Variants in HEPH observed in about 807,000 individuals in gnomAD.
HEPH encodes the protein hephaestin.
Under a neutral mutation model 80.8 loss-of-function variants are expected in HEPH, and 69 were observed. The observed-to-expected ratio is 0.85, with a 90% CI of 0.70 to 1.04. The LOEUF (loss-of-function observed/expected upper bound fraction) is 1.04. HEPH is among the 50% of genes least tolerant of loss of function. The pLI is 0.00. For missense variants in HEPH, 1,115 were observed against 891.3 expected (o/e 1.25, Z -3.20); for synonymous variants, 431 against 322.8 (o/e 1.34, Z -3.60).
chrX:66,247,041 A>G (rs1388320742), intron 15 of HEPH, among the ~76,000 whole-genome samples: 2 of 111,606 alleles, frequency 1.8e-5, no homozygotes, highest in Non-Finnish European at 3.8e-5. Flanking sequence ...GAAATTGGCT[A>G]TTAATCTTAT....
intron 9 of HEPH, among the ~76,000 whole-genome samples, chrX:66,197,405 TA>T (rs966301626): frequency 9.0e-6 from 1 of 111,156 alleles, no homozygotes; most frequent in Non-Finnish European, 1.9e-5. Flanking sequence ...AAATAAGTCT[TA>T]AAGTCCATTT....
chrX:66,225,238 GA>G (rs766307144), intron 15 of HEPH, among the ~76,000 whole-genome samples: 108 of 111,496 alleles, frequency 9.7e-4, no homozygotes, highest in African/African-American at 3.3e-3. Flanking sequence ...ATCCTTTCTT[GA>G]AATTTTTCAA....
chrX:66,230,996 G>A (rs1400768063), intron 15 of HEPH, among the ~76,000 whole-genome samples: 2 of 107,521 alleles, frequency 1.9e-5, no homozygotes, highest in East Asian at 2.9e-4. Context: ...TCTACATATG[G>A]CTAGCCAGTT....
intron 15 of HEPH, among the ~76,000 whole-genome samples, chrX:66,234,125 T>A (rs1351948024): frequency 9.0e-6 from 1 of 110,759 alleles, no homozygotes; most frequent in Non-Finnish European, 1.9e-5. Flanking sequence ...TGTGTTCTTA[T>A]CATTTAGCTC....
At chrX:66,243,901 T>A (rs1282804540) in intron 15 of HEPH, among the ~76,000 whole-genome samples, 1 of 112,099 alleles carries the variant, frequency 8.9e-6, no homozygotes, top group Non-Finnish European at 1.9e-5. Context: ...CTGAAAAGGA[T>A]CTTAGGATCT....
intron 15 of HEPH, among the ~76,000 whole-genome samples, chrX:66,248,780 G>T (rs1202380584): frequency 1.8e-5 from 2 of 112,132 alleles, no homozygotes; most frequent in Non-Finnish European, 3.8e-5. Flanking sequence ...GATATAAACA[G>T]AAATGTGTTT....
chrX:66,200,953 A>G lies in HEPH; in HGVS notation c.2077+201A>G, dbSNP rs199587424. ...GATTCCCTACTCAGCTGCAGGCAGA[A>G]TAGTTAGTAGAAGGTGGAGGAAGCT... On this transcript the variant is annotated intron_variant, in intron 12 of 20. Coordinates refer to ENST00000343002, the MANE Select transcript of HEPH (RefSeq NM_001367233.3). Among the ~76,000 whole-genome samples the G allele has an allele frequency of 2.7e-5, 3 of 111,737 alleles. No individual in the cohort carries two copies. The East Asian group carries it at 8.4e-4, about 31-fold the overall frequency.
chrX:66,191,752 A>G (rs1420811314), intron 6 of HEPH, among the ~76,000 whole-genome samples: 1 of 111,770 alleles, frequency 8.9e-6, no homozygotes, highest in East Asian at 2.8e-4. Flanking sequence ...CCTTTGGCAA[A>G]AGAGGGAAGC....
At chrX:66,180,923 C>T (rs1266752612) in intron 4 of HEPH, among the ~76,000 whole-genome samples, 1 of 96,707 alleles carries the variant, frequency 1.0e-5, no homozygotes, top group Non-Finnish European at 2.1e-5. Flanking sequence ...GTTCAATTCC[C>T]ACCTATGAGT....
chrX:66,210,440 A>G (rs913899577), intron 15 of HEPH, among the ~76,000 whole-genome samples: 1 of 111,851 alleles, frequency 8.9e-6, no homozygotes, highest in African/African-American at 3.2e-5. Flanking sequence ...CCCAAAGGCT[A>G]AAGTAAAGTG....
At chrX:66,179,691 C>G (rs955182834) in intron 4 of HEPH, among the ~76,000 whole-genome samples, 1 of 111,091 alleles carries the variant, frequency 9.0e-6, no homozygotes, top group African/African-American at 3.3e-5. Flanking sequence ...GTGTTTCTCC[C>G]ACTATTATTG....
chrX:66,208,079 A>T lies in HEPH; in HGVS notation c.2432-36A>T, dbSNP rs750924461. Reference sequence around the variant, plus strand: ...TGCTCCCTGTGCTCCTGCATTAATGAAACTTTATTTATTTAATTATTTTTG... The same window carrying T: ...TGCTCCCTGTGCTCCTGCATTAATGTAACTTTATTTATTTAATTATTTTTG... On this transcript the variant is annotated intron_variant, in intron 14 of 20. Transcript: ENST00000343002. 3.7e-6 allele frequency: 4 copies of T among 1,077,529 alleles called. No homozygotes were observed. The South Asian group carries it at 8.2e-5, about 22-fold the overall frequency. The allele number at this position is 1,077,529 out of a possible 1,213,427, so 88.8% of individuals were successfully genotyped here.
chrX:66,190,602 C>T (rs1005743157), intron 6 of HEPH, among the ~76,000 whole-genome samples: 5 of 111,585 alleles, frequency 4.5e-5, no homozygotes, highest in African/African-American at 9.8e-5. Flanking sequence ...TTGCCACATC[C>T]GTAAAATGGG....
chrX:66,205,309 A>G (rs1228164460), intron 13 of HEPH, among the ~76,000 whole-genome samples: 2 of 111,440 alleles, frequency 1.8e-5, no homozygotes, highest in Non-Finnish European at 3.8e-5. Context: ...GTCCATATGT[A>G]CCCAATGCAT....
At chrX:66,247,955 T>C (rs2090872851) in intron 15 of HEPH, among the ~76,000 whole-genome samples, 1 of 111,940 alleles carries the variant, frequency 8.9e-6, no homozygotes, top group Non-Finnish European at 1.9e-5. Flanking sequence ...TGGACAGCAC[T>C]GAAAACTCCT....
chrX:66,258,218 G>T (rs1351784567), intron 17 of HEPH, among the ~76,000 whole-genome samples: 1 of 111,656 alleles, frequency 9.0e-6, no homozygotes. Flanking sequence ...AAATGTAGAA[G>T]ACAATTTCTT....
downstream of HEPH, chrX:66,267,665 CT>C (rs2091573890): frequency 9.0e-6 from 1 of 111,580 alleles, no homozygotes; most frequent in Non-Finnish European, 1.9e-5. Flanking sequence ...AGACTCAAAC[CT>C]GTCCAGTGGG....
rs367836312 is a variant in HEPH, at chrX:66,193,644, G to T, written c.1369+6G>T. ...TAGGCATCTTGGAATCCTGGGTGAG[G>T]AATTTTTAAATTATGAAATTCATTT... On this transcript the variant is annotated splice_donor_region_variant and intron_variant, in intron 8 of 20. Transcript: ENST00000343002. 2.6e-6 allele frequency: 3 copies of T among 1,165,293 alleles called. No individual in the cohort carries two copies. The highest frequency in any genetic ancestry group is 6.1e-5 in the East Asian group (2 of 32,989).
chrX:66,259,539 C>A (rs2091286735), intron 18 of HEPH, among the ~76,000 whole-genome samples: 1 of 111,660 alleles, frequency 9.0e-6, no homozygotes, highest in Non-Finnish European at 1.9e-5. Context: ...GGGGTCAAAG[C>A]TTAAGCCAAA....
Sources: allele counts gnomAD v4.1 joint callset (sites outside exome capture counted in the v4.1 genomes callset), GRCh38; gene constraint gnomAD v4.1.1; transcripts MANE v1.5; gene names NCBI Gene and HGNC (gene_info 2026-07-23, HGNC 2026-07-21).